Variants in IGF1R observed in about 807,000 individuals in gnomAD.
IGF1R encodes insulin-like growth factor 1 receptor.
In IGF1R, 44 loss-of-function variants were observed where a neutral mutation model predicts 144.6. The observed-to-expected ratio is 0.30, with a 90% CI of 0.24 to 0.39. IGF1R has a LOEUF of 0.39. Among genes scored for constraint, IGF1R ranks in the 10% least tolerant of loss-of-function variants. The pLI is 1.00. For missense variants in IGF1R, 1,355 were observed against 1,833.7 expected, an observed-to-expected ratio of 0.74 and a Z score of 4.77; for synonymous variants, 795 against 722.8, an observed-to-expected ratio of 1.10 and a Z score of -1.60.
At chr15:98,808,723 A>G (rs1040053875) in intron 2 of IGF1R, among the ~76,000 whole-genome samples, 2 of 146,096 alleles carry the variant, frequency 1.4e-5, no homozygotes, top group African/African-American at 2.5e-5. Flanking sequence ...CTTATTGCCT[A>G]CACTGGAGTG....
In IGF1R at chr15:98,649,504, T is replaced by A; in HGVS notation, c.-78T>A. The A allele has an allele frequency of 2.0e-6, 2 of 1,016,396 alleles. No individual in the cohort carries two copies. The highest frequency in any genetic ancestry group is 2.8e-5 in the South Asian group (2 of 71,166). 63.0% of individuals were successfully genotyped at this position (1,016,396 alleles called of 1,614,324 possible). A position where few individuals can be genotyped will look rare whatever the true frequency, so the allele number is the denominator to read the frequency against. ...GAGTTTGAGACTTGTTTCCTTTCAT[T>A]TCCTTTTTTTCTTTTCTTTTCTTTT... is the stretch of plus-strand genomic sequence containing the variant. On this transcript the variant is annotated 5_prime_UTR_variant, in exon 1 of 21. Coordinates refer to ENST00000650285, the MANE Select transcript of IGF1R (RefSeq NM_000875.5).
intron 2 of IGF1R, among the ~76,000 whole-genome samples, chr15:98,778,776 A>C (rs2055782501): frequency 6.6e-6 from 1 of 152,166 alleles, no homozygotes; most frequent in Non-Finnish European, 1.5e-5. Context: ...GTGGCCTTGA[A>C]GTGAGAGTGG....
At chr15:98,898,132 TC>T (rs1329938593) in intron 4 of IGF1R, among the ~76,000 whole-genome samples, 1 of 152,200 alleles carries the variant, frequency 6.6e-6, no homozygotes, top group Non-Finnish European at 1.5e-5. Flanking sequence ...ATAACTCTGT[TC>T]CCCACAACTA....
chr15:98,792,093 T>G (rs2056141042), intron 2 of IGF1R, among the ~76,000 whole-genome samples: 1 of 152,236 alleles, frequency 6.6e-6, no homozygotes. Flanking sequence ...GGTCCCCAAA[T>G]TCATTGTATG....
chr15:98,905,949 A>G (rs1278508388), intron 5 of IGF1R, among the ~76,000 whole-genome samples: 5 of 152,220 alleles, frequency 3.3e-5, no homozygotes, highest in Non-Finnish European at 5.9e-5. Context: ...CAGGCAGCTC[A>G]TGAATGGCTT....
In IGF1R at chr15:98,959,057, A is replaced by G. The variant is rs926751570; in HGVS notation, c.*1615A>G. 2 of 233,194 alleles carry G rather than the reference A, an allele frequency of 8.6e-6. No individual in the cohort carries two copies. Among genetic ancestry groups the G allele is most frequent in the East Asian group, 6.0e-5 (1 of 16,612 alleles). 14.4% of individuals were successfully genotyped at this position (233,194 alleles called of 1,614,324 possible). ...CCCTCACAGCATTGGAGCCTGTTAC[A>G]GTGCAAGACATGATACAAACTCAGG... On this transcript the variant is annotated 3_prime_UTR_variant, in exon 21 of 21. Coordinates refer to ENST00000650285, the MANE Select transcript of IGF1R (RefSeq NM_000875.5).
intron 2 of IGF1R, among the ~76,000 whole-genome samples, chr15:98,815,645 T>A (rs1039270752): frequency 6.6e-6 from 1 of 152,174 alleles, no homozygotes; most frequent in African/African-American, 2.4e-5. Context: ...TCACTCCAAA[T>A]CTCTCAGTGC....
intron 2 of IGF1R, among the ~76,000 whole-genome samples, chr15:98,803,956 T>G (rs2056417311): frequency 6.6e-6 from 1 of 152,260 alleles, no homozygotes. Context: ...TTTATACAGC[T>G]GGCAGCACGG....
At chr15:98,954,500 A>G (rs936993591) in intron 20 of IGF1R, 17 of 152,228 alleles carry the variant, frequency 1.1e-4, no homozygotes, top group African/African-American at 3.4e-4. Context: ...AATAGTAAAC[A>G]AGGTCTTGAA....
chr15:98,887,004 A>G (rs1420636376), intron 2 of IGF1R, among the ~76,000 whole-genome samples: 1 of 152,132 alleles, frequency 6.6e-6, no homozygotes, highest in Non-Finnish European at 1.5e-5. Context: ...ATCACATTCC[A>G]TTGCTGCCCC....
Position 98,891,532 on chromosome 15 carries a change from C to G in IGF1R, c.848C>G (p.Ala283Gly). The G allele has an allele frequency of 6.2e-7, 1 of 1,613,002 alleles. No homozygotes were observed. Among genetic ancestry groups the G allele is most frequent in the Non-Finnish European group, 8.5e-7 (1 of 1,180,024 alleles). Residue 283 changes from alanine (A) to glycine (G), a missense_variant, in exon 3 of 21, where the codon GCC (alanine) becomes GGC (glycine). By Grantham distance (60) the Ala-to-Gly change is moderately conservative. Transcript: ENST00000650285. This position sits in a 1 kb window ranked among gnomAD's most constrained non-coding sequence, Gnocchi z 4.7. ...CGCTGTGTGGACCGTGACTTCTGCG[C>G]CAACATCCTCAGCGCCGAGAGCAGC... is the stretch of plus-strand genomic sequence containing the variant. ...GWRCVDRDFC[A>G]NILSAESSDS...
intron 2 of IGF1R, among the ~76,000 whole-genome samples, chr15:98,767,729 A>G (rs2055469978): frequency 6.6e-6 from 1 of 152,150 alleles, no homozygotes; most frequent in South Asian, 2.1e-4. Context: ...CGAACAAAAA[A>G]CTTTCCACTT....
At chr15:98,734,877 C>A (rs1197886216) in intron 2 of IGF1R, 1 of 152,106 alleles carries the variant, frequency 6.6e-6, no homozygotes, top group Non-Finnish European at 1.5e-5. Context: ...TATGCCAAGA[C>A]GAATTGTAGG....
At chr15:98,953,546 C>T (rs1372170695) in intron 20 of IGF1R, among the ~76,000 whole-genome samples, 1 of 152,090 alleles carries the variant, frequency 6.6e-6, no homozygotes, top group Non-Finnish European at 1.5e-5. Flanking sequence ...TTTCAGGAAA[C>T]GTAGTGACGT....
intron 12 of IGF1R, among the ~76,000 whole-genome samples, chr15:98,924,302 C>T (rs972731377): frequency 1.3e-5 from 2 of 152,196 alleles, no homozygotes; most frequent in African/African-American, 2.4e-5. Context: ...TTCTGGAGTT[C>T]TTGGTTACAA....
intron 13 of IGF1R, among the ~76,000 whole-genome samples, chr15:98,927,251 A>G (rs1380605271): frequency 6.6e-6 from 1 of 152,214 alleles, no homozygotes; most frequent in African/African-American, 2.4e-5. Context: ...TATGTCAGAC[A>G]AGACTCTGTC....
At chr15:98,685,925 A>G (rs573850807) in intron 1 of IGF1R, among the ~76,000 whole-genome samples, 42 of 152,350 alleles carry the variant, frequency 2.8e-4, no homozygotes, top group South Asian at 1.7e-3. Flanking sequence ...TTTTAAATGT[A>G]CGAGTTCAGT....
intron 2 of IGF1R, among the ~76,000 whole-genome samples, chr15:98,776,175 T>G (rs2055709154): frequency 6.6e-6 from 1 of 151,212 alleles, no homozygotes; most frequent in African/African-American, 2.4e-5. Flanking sequence ...TAATTATTTT[T>G]TATTATTTAT....
intron 5 of IGF1R, among the ~76,000 whole-genome samples, chr15:98,901,170 G>GC (rs1410626935): frequency 3.3e-5 from 5 of 152,214 alleles, no homozygotes; most frequent in Non-Finnish European, 5.9e-5. Flanking sequence ...AAGGTTGCGT[G>GC]CTCAGGTGTT....
Sources: allele counts gnomAD v4.1 joint callset (sites outside exome capture counted in the v4.1 genomes callset), GRCh38; gene constraint gnomAD v4.1.1; non-coding constraint Gnocchi (gnomAD v3.1); transcripts MANE v1.5; gene names NCBI Gene and HGNC (gene_info 2026-07-23, HGNC 2026-07-21).